Variants in VWA8 observed in about 807,000 individuals in gnomAD.
VWA8 encodes the protein von Willebrand factor A domain-containing protein 8.
Under a neutral mutation model 241.5 loss-of-function variants are expected in VWA8, and 221 were observed. That is an observed-to-expected ratio of 0.91 (90% confidence interval 0.82 to 1.02). VWA8 has a LOEUF of 1.02. Among genes scored for constraint, VWA8 ranks in the 50% least tolerant of loss-of-function variants. The pLI is 0.00. For missense variants in VWA8, 2,322 were observed against 2,328.7 expected, an observed-to-expected ratio of 1.00 and a Z score of 0.06; for synonymous variants, 852 against 827.1, an observed-to-expected ratio of 1.03 and a Z score of -0.52.
chr13:41,606,520 T>C (rs1016742596), intron 39 of VWA8, among the ~76,000 whole-genome samples: 1 of 152,174 alleles, frequency 6.6e-6, no homozygotes, highest in Non-Finnish European at 1.5e-5. Flanking sequence ...AGCCCAAGCA[T>C]AGCATAATCT....
intron 12 of VWA8, among the ~76,000 whole-genome samples, chr13:41,849,050 C>T (rs189567925): frequency 4.6e-5 from 7 of 152,242 alleles, no homozygotes; most frequent in African/African-American, 1.7e-4. Flanking sequence ...TAAAAGATTG[C>T]CTTTTCCTTC....
intron 37 of VWA8, among the ~76,000 whole-genome samples, chr13:41,634,626 C>G (rs976336532): frequency 6.6e-6 from 1 of 151,976 alleles, no homozygotes; most frequent in African/African-American, 2.4e-5. Context: ...TGCTTTTCAG[C>G]CTAGCATGGC....
chr13:41,675,344 A>G, intron 35 of VWA8, 48 bp from the exon 36 acceptor site: 1 of 1,398,898 alleles, frequency 7.1e-7, no homozygotes, highest in Non-Finnish European at 1.0e-6. Context: ...ACTGCAAGAT[A>G]CCAAAATGGT....
intron 9 of VWA8, among the ~76,000 whole-genome samples, chr13:41,873,634 G>C (rs1227581835): frequency 6.6e-6 from 1 of 152,182 alleles, no homozygotes; most frequent in African/African-American, 2.4e-5. Context: ...ACTAAACCAG[G>C]AAGAAGTTGA....
At chr13:41,639,775 C>T (rs35375048) in intron 37 of VWA8, among the ~76,000 whole-genome samples, 2,989 of 152,056 alleles carry the variant, frequency 0.02, 24 homozygotes, top group South Asian at 0.047. Context: ...TGAGAGTCGG[C>T]GGTGGGAGGA....
At chr13:41,592,270 A>C (rs1321210685) in intron 40 of VWA8, among the ~76,000 whole-genome samples, 1 of 128,358 alleles carries the variant, frequency 7.8e-6, no homozygotes, top group East Asian at 2.3e-4. Flanking sequence ...GAACAATGAG[A>C]TCACATGGAC....
chr13:41,854,019 G>C (rs1254246999), intron 12 of VWA8, among the ~76,000 whole-genome samples: 1 of 152,086 alleles, frequency 6.6e-6, no homozygotes, highest in Non-Finnish European at 1.5e-5. Context: ...AGCTTCAATT[G>C]ATAGAATCTT....
intron 26 of VWA8, chr13:41,719,200 C>G: frequency 7.0e-6 from 3 of 427,120 alleles, no homozygotes; most frequent in Non-Finnish European, 9.4e-6. Context: ...ATAAAGAAAA[C>G]TATATAGTAA....
chr13:41,811,172 T>C (rs969975705), intron 17 of VWA8, 53 bp downstream of exon 17: 13 of 1,440,360 alleles, frequency 9.0e-6, no homozygotes, highest in Admixed American at 3.4e-5. Context: ...ACTTATCTTA[T>C]AGTTTTAGTG....
chr13:41,762,656 G>A (rs991983399), intron 20 of VWA8, among the ~76,000 whole-genome samples: 1 of 152,142 alleles, frequency 6.6e-6, no homozygotes, highest in Admixed American at 6.6e-5. Context: ...GCCCAATAGG[G>A]AAGCAGGTAT....
chr13:41,742,039 T>C (rs1217495460), intron 21 of VWA8, among the ~76,000 whole-genome samples: 1 of 152,150 alleles, frequency 6.6e-6, no homozygotes, highest in Non-Finnish European at 1.5e-5. Context: ...GCAAGAGAAG[T>C]TTAAGGCTAC....
chr13:41,928,994 A>G (rs1340519910), intron 2 of VWA8, among the ~76,000 whole-genome samples: 2 of 152,154 alleles, frequency 1.3e-5, no homozygotes, highest in African/African-American at 4.8e-5. Context: ...AAAGCAGTAT[A>G]CAGATTCCAT....
At chr13:41,917,400 G>A (rs1372602999) in intron 2 of VWA8, among the ~76,000 whole-genome samples, 1 of 151,978 alleles carries the variant, frequency 6.6e-6, no homozygotes, top group African/African-American at 2.4e-5. Flanking sequence ...ACTCTTTCAG[G>A]TCTGTTTCCT....
In VWA8 at chr13:41,868,353, G is replaced by C. The variant is rs373638942; in HGVS notation, c.1205C>G (p.Thr402Ser). 1 of 1,613,754 alleles carries C rather than the reference G, an allele frequency of 6.2e-7. No individual in the cohort carries two copies. Among genetic ancestry groups the C allele is most frequent in the African/African-American group, 1.3e-5 (1 of 74,870 alleles). The change falls in exon 10 of 45, where the codon ACC (threonine) becomes AGC (serine). Residue 402 changes from threonine (T) to serine (S), a missense_variant. By Grantham distance (58) the Thr-to-Ser change is moderately conservative (BLOSUM62 1). Transcript: ENST00000379310. ...VTIRIADKEV[T>S]IKVPAGTRLL... ...AAACCTGTGATTAATTACCTTAATGGTCACCTCTTTATCTGCAATCCGGAT... is the reference window on the plus strand; with the variant it reads ...AAACCTGTGATTAATTACCTTAATGCTCACCTCTTTATCTGCAATCCGGAT...
Position 41,573,541 on chromosome 13 carries a change from G to A in VWA8, c.5370+2199C>T, listed in dbSNP as rs571098032. Among the ~76,000 whole-genome samples the A allele has an allele frequency of 3.6e-3, 424 of 116,862 alleles. 2 individuals are homozygous for A. Among genetic ancestry groups the A allele is most frequent in the African/African-American group, 9.1e-3 (242 of 26,554 alleles). 76.7% of individuals were successfully genotyped at this position (116,862 alleles called of 152,430 possible). On this transcript the variant is annotated intron_variant, in intron 43 of 44. Coordinates refer to ENST00000379310, the MANE Select transcript of VWA8 (RefSeq NM_015058.2). ...TATATATACGTGTATATATATATAC[G>A]TATATATAAAATATATACACGTATA...
At chr13:41,910,823 T>C (rs1875959842) in intron 3 of VWA8, among the ~76,000 whole-genome samples, 1 of 152,150 alleles carries the variant, frequency 6.6e-6, no homozygotes, top group Non-Finnish European at 1.5e-5. Flanking sequence ...CACATGATTT[T>C]TGAAGTACCA....
intron 17 of VWA8, among the ~76,000 whole-genome samples, chr13:41,804,240 T>A (rs141830655): frequency 6.6e-6 from 1 of 151,922 alleles, no homozygotes; most frequent in African/African-American, 2.4e-5. Context: ...CCTCAAGATA[T>A]CTGAGGTACC....
chr13:41,642,405 A>G (rs746501619), intron 37 of VWA8, among the ~76,000 whole-genome samples: 4 of 151,822 alleles, frequency 2.6e-5, no homozygotes, highest in Non-Finnish European at 4.4e-5. Context: ...TAAAAACACA[A>G]AAAATTAGCC....
rs990949876 is a variant in VWA8, at chr13:41,873,273, C to T, written c.1081-4796G>A. Reference sequence around the variant, plus strand: ...CACCCTAACATCACAATTAAAAGAACTAGAAAAGCAAGAGCAAATATATTC... The same window carrying T: ...CACCCTAACATCACAATTAAAAGAATTAGAAAAGCAAGAGCAAATATATTC... On this transcript the variant is annotated intron_variant, in intron 9 of 44. Transcript: ENST00000379310. Among the ~76,000 whole-genome samples the T allele has an allele frequency of 2.8e-4, 42 of 152,114 alleles. No individual in the cohort carries two copies. In the South Asian group the frequency reaches 8.5e-3, roughly 31 times the overall value.
Sources: allele counts gnomAD v4.1 joint callset (sites outside exome capture counted in the v4.1 genomes callset), GRCh38; gene constraint gnomAD v4.1.1; transcripts MANE v1.5; gene names NCBI Gene and HGNC (gene_info 2026-07-23, HGNC 2026-07-21).